ZNF19: variants seen among roughly 807,000 people sequenced by gnomAD.
ZNF19 encodes the protein zinc finger protein 19, also known as zinc finger protein 19 (KOX 12).
Under a neutral mutation model 13.1 loss-of-function variants are expected in ZNF19, and 11 were observed. That is an observed-to-expected ratio of 0.84 (90% CI 0.53 to 1.39). The LOEUF is 1.39. ZNF19 is among the 40% of genes most tolerant of loss of function. The pLI, the probability that ZNF19 is intolerant of heterozygous loss-of-function variation, is 0.00. For synonymous variants in ZNF19, 186 were observed against 187.0 expected, an observed-to-expected ratio of 0.99 and a Z score of 0.04; for missense variants, 560 against 547.0, an observed-to-expected ratio of 1.02 and a Z score of -0.24.
At position 71,475,159 on chromosome 16, in the gene ZNF19, G is replaced by T; in HGVS notation, c.*11C>A. 1 of 1,563,818 alleles carries T rather than the reference G, an allele frequency of 6.4e-7. No individual in the cohort carries two copies. Among genetic ancestry groups the T allele is most frequent in the East Asian group, 2.3e-5 (1 of 42,862 alleles). On this transcript the variant is annotated 3_prime_UTR_variant, in exon 6 of 6. Coordinates refer to ENST00000288177, the MANE Select transcript of ZNF19 (RefSeq NM_006961.4). ...CGGAATCCACTCAGTACATTTCACTGGAGTGTACTATTACCAGTAAAAGGG... is the reference window on the plus strand; with the variant it reads ...CGGAATCCACTCAGTACATTTCACTTGAGTGTACTATTACCAGTAAAAGGG...
chr16:71,477,705 C>CTA (rs2043611519), intron 5 of ZNF19, among the ~76,000 whole-genome samples: 2 of 152,150 alleles, frequency 1.3e-5, no homozygotes, highest in African/African-American at 4.8e-5. Context: ...ACCTCACGCC[C>CTA]TGTGCTCAGC....
chr16:71,482,019 T>C (rs2043639869), intron 3 of ZNF19, 63 bp downstream of exon 3: 1 of 1,582,220 alleles, frequency 6.3e-7, no homozygotes, highest in Non-Finnish European at 8.7e-7. Context: ...GAATCACCTT[T>C]ATCCACCTCA....
chr16:71,479,818 G>C (rs904930859), intron 3 of ZNF19, among the ~76,000 whole-genome samples: 1 of 151,174 alleles, frequency 6.6e-6, no homozygotes, highest in Non-Finnish European at 1.5e-5. Flanking sequence ...GTTTTTGACA[G>C]TGTCTTGCTC....
At position 71,475,408 on chromosome 16, in the gene ZNF19, G is replaced by A. The variant is rs747429400; in HGVS notation, c.1139C>T (p.Thr380Ile). The change falls in exon 6 of 6, where the codon ACT becomes ATT. Residue 380 changes from threonine to isoleucine, a missense_variant. Physicochemically the swap from Thr to Ile is moderately conservative, Grantham distance 89. Transcript: ENST00000288177. Reference sequence around the variant, plus strand: ...ATCACATACATAGGAAGACTCCTGAGTATGAATTCTCAGATGCCTTTTTAA... The same window carrying A: ...ATCACATACATAGGAAGACTCCTGAATATGAATTCTCAGATGCCTTTTTAA... ...EQLKRHLRIH[T>I]QESSYVCDEC... 1 of 1,614,164 alleles carries A rather than the reference G, an allele frequency of 6.2e-7. No individual in the cohort carries two copies. The highest frequency in any genetic ancestry group is 1.7e-5 in the Admixed American group (1 of 60,026).
At chr16:71,476,847 G>GT (rs1423995992) in intron 5 of ZNF19, among the ~76,000 whole-genome samples, 7 of 152,178 alleles carry the variant, frequency 4.6e-5, no homozygotes, top group African/African-American at 1.7e-4. Flanking sequence ...AGATTACCTA[G>GT]TTCAGAGGTT....
Position 71,473,820 on chromosome 16 carries a change from T to A in ZNF19, c.*1350A>T, listed in dbSNP as rs545363608. ...GGATGGTCTCGATCTCTTGACCTGA[T>A]GAATCGCCCACCTCGGCCTCCCAAA... On this transcript the variant is annotated 3_prime_UTR_variant, in exon 6 of 6. Transcript: ENST00000288177. 2.0e-5 allele frequency: 3 copies of A among 152,272 alleles called. No homozygotes were observed. Among genetic ancestry groups the A allele is most frequent in the African/African-American group, 4.8e-5 (2 of 41,480 alleles). The allele number at this position is 152,272 out of a possible 1,614,324, so 9.4% of individuals were successfully genotyped here.
intron 1 of ZNF19, chr16:71,487,135 G>A (rs1308971263): frequency 6.6e-6 from 1 of 152,080 alleles, no homozygotes; most frequent in South Asian, 2.1e-4. Context: ...ATATGTTTTG[G>A]CTCTGTGTCC....
intron 1 of ZNF19, among the ~76,000 whole-genome samples, chr16:71,488,731 G>A (rs1445092582): frequency 2.6e-5 from 4 of 152,186 alleles, no homozygotes; most frequent in East Asian, 3.9e-4. Context: ...CTCGGGAGGC[G>A]GAGGTTGCAG....
At chr16:71,483,627 C>A (rs918016914) in intron 2 of ZNF19, among the ~76,000 whole-genome samples, 2 of 152,202 alleles carry the variant, frequency 1.3e-5, no homozygotes, top group Non-Finnish European at 2.9e-5. Context: ...GCTCTACAGA[C>A]CAGGTCAGGT....
intron 2 of ZNF19, 176 bp from the exon 3 acceptor site, chr16:71,482,319 G>C (rs1390837552): frequency 3.3e-6 from 2 of 598,696 alleles, no homozygotes; most frequent in Non-Finnish European, 2.9e-6. Flanking sequence ...TAATTCTGAG[G>C]AAACAGATTT....
Position 71,484,621 on chromosome 16 carries a change from A to C in ZNF19, c.-62T>G. ...AAAACAGAAAGCGGTGCGTGAACGGAAGTGCGTCACTACTTTGGCCTTGCA... is the reference window on the plus strand; with the variant it reads ...AAAACAGAAAGCGGTGCGTGAACGGCAGTGCGTCACTACTTTGGCCTTGCA... On this transcript the variant is annotated 5_prime_UTR_variant, in exon 2 of 6. Transcript: ENST00000288177. The C allele has an allele frequency of 1.0e-6, 1 of 985,448 alleles. No homozygotes were observed. Among genetic ancestry groups the C allele is most frequent in the Non-Finnish European group, 1.2e-6 (1 of 829,980 alleles). 61.0% of individuals were successfully genotyped at this position (985,448 alleles called of 1,614,324 possible). A position where few individuals can be genotyped will look rare whatever the true frequency, so the allele number is the denominator to read the frequency against.
rs141096366 is a variant in ZNF19 at position 71,475,344 on chromosome 16, A to G, written c.1203T>C (p.His401=). 16 of 1,614,122 alleles carry G rather than the reference A, an allele frequency of 9.9e-6. No individual in the cohort carries two copies. In the East Asian group the frequency reaches 3.1e-4, roughly 31 times the overall value. ...CTCCAGTATGGATTCTTTGATGCTGATGAAGATTTCTTTTGCTAGTCAAGG... is the reference window on the plus strand; with the variant it reads ...CTCCAGTATGGATTCTTTGATGCTGGTGAAGATTTCTTTTGCTAGTCAAGG... ...GKALTSKRNL[H]QHQRIHTGEK... Residue 401 remains histidine (H), a synonymous_variant, in exon 6 of 6, where the codon CAT becomes CAC. Coordinates refer to ENST00000288177, the MANE Select transcript of ZNF19 (RefSeq NM_006961.4).
chr16:71,476,295 C>A, intron 5 of ZNF19, 23 bp from the exon 6 acceptor site: 1 of 1,582,978 alleles, frequency 6.3e-7, no homozygotes, highest in Middle Eastern at 1.7e-4. Context: ...ATAGAAAACA[C>A]AAATAATGCC....
chr16:71,477,368 A>G (rs940043114), intron 5 of ZNF19, among the ~76,000 whole-genome samples: 3 of 152,178 alleles, frequency 2.0e-5, no homozygotes, highest in African/African-American at 7.2e-5. Flanking sequence ...GATTCTTAGA[A>G]TAAGAGGCTG....
At chr16:71,478,508 C>G (rs1285900630) in intron 4 of ZNF19, 167 bp from the exon 5 acceptor site, 2 of 708,986 alleles carry the variant, frequency 2.8e-6, no homozygotes, top group African/African-American at 1.7e-5. Context: ...TGACTTCTTC[C>G]TAAAAAAAAC....
rs1178564864 is a variant in ZNF19, at chr16:71,475,665, G to A, written c.882C>T (p.Ile294=). The change falls in exon 6 of 6, where the codon ATC becomes ATT. Residue 294 remains isoleucine, a synonymous_variant. Transcript: ENST00000288177. ...ACTCATAGGGTTTCTCTCCAGTGTG[G>A]ATTTTCTGATGCCGAAGTAGGGGTG... ...GNSPLLRHQK[I]HTGEKPYECN... The A allele has an allele frequency of 6.2e-7, 1 of 1,612,402 alleles. No homozygotes were observed. Among genetic ancestry groups the A allele is most frequent in the African/African-American group, 1.3e-5 (1 of 74,798 alleles).
rs1232127160 is a variant in ZNF19 at position 71,475,163 on chromosome 16, T to C, written c.*7A>G. 2 of 1,567,424 alleles carry C rather than the reference T, an allele frequency of 1.3e-6. No homozygotes were observed. The highest frequency in any genetic ancestry group is 1.2e-5 in the South Asian group (1 of 85,276). ...ATCCACTCAGTACATTTCACTGGAGTGTACTATTACCAGTAAAAGGGGGTA... is the reference window on the plus strand; with the variant it reads ...ATCCACTCAGTACATTTCACTGGAGCGTACTATTACCAGTAAAAGGGGGTA... On this transcript the variant is annotated 3_prime_UTR_variant, in exon 6 of 6. Transcript: ENST00000288177.
At position 71,475,451 on chromosome 16, in the gene ZNF19, A is replaced by C; in HGVS notation, c.1096T>G (p.Phe366Val). Residue 366 changes from phenylalanine to valine, a missense_variant, in exon 6 of 6, where the codon TTC becomes GTC. Physicochemically the swap from Phe to Val is conservative, Grantham distance 50. Coordinates refer to ENST00000288177, the MANE Select transcript of ZNF19 (RefSeq NM_006961.4). ...CTTTTTAATTGTTCCTGAGCACTGA[A>C]GGCTTTTCCACAATCTACACAGTCA... is the stretch of plus-strand genomic sequence containing the variant. ...PFDCVDCGKA[F>V]SAQEQLKRHL... 7 of 1,612,606 alleles carry C rather than the reference A, an allele frequency of 4.3e-6. No homozygotes were observed. The highest frequency in any genetic ancestry group is 5.9e-6 in the Non-Finnish European group (7 of 1,179,490).
At chr16:71,484,265 A>G (rs2043658572) in intron 2 of ZNF19, among the ~76,000 whole-genome samples, 1 of 152,258 alleles carries the variant, frequency 6.6e-6, no homozygotes, top group Non-Finnish European at 1.5e-5. Context: ...AATCTAGAGC[A>G]GGAACTGGCA....
Sources: gnomAD v4.1 joint callset for allele counts (sites outside exome capture counted in the v4.1 genomes callset) on GRCh38, gnomAD v4.1.1 for gene constraint, MANE v1.5 for transcripts, NCBI Gene and HGNC (gene_info 2026-07-23, HGNC 2026-07-21) for gene names.